The following MCOLN2 variants were observed in gnomAD, a reference collection of about 807,000 sequenced individuals.
MCOLN2 encodes the protein mucolipin TRP cation channel 2.
In MCOLN2, 57 loss-of-function variants were observed where a neutral mutation model predicts 67.5. That is an observed-to-expected ratio of 0.84 (90% CI 0.68 to 1.05). The LOEUF is 1.05. Among genes scored for constraint, MCOLN2 ranks in the 50% least tolerant of loss-of-function variants. The pLI is 0.00. For synonymous variants in MCOLN2, 246 were observed against 233.3 expected (o/e 1.05, Z -0.50); for missense variants, 620 against 678.8 (o/e 0.91, Z 0.96).
intron 11 of MCOLN2, among the ~76,000 whole-genome samples, chr1:84,934,955 C>T (rs529481942): frequency 1.1e-4 from 17 of 152,268 alleles, no homozygotes; most frequent in East Asian, 1.9e-4. Flanking sequence ...ATCAGTCAAA[C>T]GGTTTTCCTA....
At chr1:84,926,996 C>T (rs1661190423) in intron 13 of MCOLN2, among the ~76,000 whole-genome samples, 1 of 151,756 alleles carries the variant, frequency 6.6e-6, no homozygotes, top group African/African-American at 2.4e-5. Flanking sequence ...CTCTTAAGAA[C>T]CTCCATGCCC....
At chr1:84,936,608 G>A (rs1004921309) in intron 11 of MCOLN2, among the ~76,000 whole-genome samples, 1 of 152,142 alleles carries the variant, frequency 6.6e-6, no homozygotes. Flanking sequence ...CAACCCAGAG[G>A]TTGTCACTTT....
chr1:84,950,083 G>A (rs1214453277), intron 6 of MCOLN2, among the ~76,000 whole-genome samples: 1 of 152,154 alleles, frequency 6.6e-6, no homozygotes, highest in Non-Finnish European at 1.5e-5. Context: ...TAGTATGAAG[G>A]TTTTAAGTCA....
chr1:84,939,708 G>A lies in MCOLN2; in HGVS notation c.961-6C>T, dbSNP rs202137357. The A allele has an allele frequency of 2.1e-5, 34 of 1,613,668 alleles. No individual in the cohort carries two copies. On this transcript the variant is annotated splice_polypyrimidine_tract_variant and splice_region_variant and intron_variant, in intron 8 of 13. Transcript: ENST00000370608. ...AGGAAGAAATTTAGAAATCTCTATGGCAAACATTTAAAGAAGCGTTTCTTA... is the reference window on the plus strand; with the variant it reads ...AGGAAGAAATTTAGAAATCTCTATGACAAACATTTAAAGAAGCGTTTCTTA...
At chr1:84,948,152 C>A (rs1462599506) in intron 6 of MCOLN2, among the ~76,000 whole-genome samples, 1 of 152,204 alleles carries the variant, frequency 6.6e-6, no homozygotes, top group Non-Finnish European at 1.5e-5. Flanking sequence ...GGCCTGACAA[C>A]CAGCTGGGCA....
intron 2 of MCOLN2, among the ~76,000 whole-genome samples, chr1:84,964,681 A>C (rs554628928): frequency 1.6e-4 from 25 of 152,272 alleles, no homozygotes; most frequent in African/African-American, 5.5e-4. Flanking sequence ...GTTTTCCTGC[A>C]ACTAGAAGGT....
intron 11 of MCOLN2, among the ~76,000 whole-genome samples, chr1:84,933,924 A>G (rs1647293662): frequency 6.6e-6 from 1 of 152,242 alleles, no homozygotes; most frequent in African/African-American, 2.4e-5. Flanking sequence ...ACAGAGACCC[A>G]GTCAATTTTA....
At chr1:84,939,441 A>G (rs966786081) in intron 9 of MCOLN2, 112 bp downstream of exon 9, 2 of 1,089,526 alleles carry the variant, frequency 1.8e-6, no homozygotes, top group African/African-American at 3.2e-5. Flanking sequence ...CTGGTGTGAG[A>G]AAAGGGAAGA....
At chr1:84,946,914 T>A (rs1307020695) in intron 7 of MCOLN2, 119 bp downstream of exon 7, 1 of 594,480 alleles carries the variant, frequency 1.7e-6, no homozygotes, top group Non-Finnish European at 3.0e-6. Flanking sequence ...CAGGATCTAA[T>A]GCTCGAGGCG....
intron 4 of MCOLN2, among the ~76,000 whole-genome samples, chr1:84,954,035 A>C (rs147251145): frequency 6.6e-6 from 1 of 152,130 alleles, no homozygotes; most frequent in Non-Finnish European, 1.5e-5. Context: ...CACAACTGCA[A>C]CTCTTCATTT....
At chr1:84,971,870 T>A (rs1011057443) in intron 1 of MCOLN2, 1 of 152,182 alleles carries the variant, frequency 6.6e-6, no homozygotes, top group Non-Finnish European at 1.5e-5. Flanking sequence ...AAGACCAGCC[T>A]GGCCAACACG....
intron 11 of MCOLN2, 81 bp downstream of exon 11, chr1:84,937,674 A>T: frequency 1.3e-6 from 2 of 1,572,890 alleles, no homozygotes; most frequent in Non-Finnish European, 1.7e-6. Flanking sequence ...AGAGAAGACC[A>T]GGAAGCAAGT....
chr1:84,970,945 G>A lies in MCOLN2; in HGVS notation c.78-5237C>T, dbSNP rs115297069. Among the ~76,000 whole-genome samples the A allele has an allele frequency of 4.0e-3, 611 of 152,250 alleles. 2 individuals are homozygous for A. Among genetic ancestry groups the A allele is most frequent in the African/African-American group, 0.014 (573 of 41,538 alleles). On this transcript the variant is annotated intron_variant, in intron 1 of 13. Transcript: ENST00000370608. ...AAGTGTTCAAGAAATGATAACTGAT[G>A]TTAGCATTGCCCTAAGAAACTTTAT...
chr1:84,981,278 A>G lies in MCOLN2; in HGVS notation c.77+15518T>C, dbSNP rs569812928. Among the ~76,000 whole-genome samples the G allele has an allele frequency of 3.3e-5, 5 of 152,346 alleles. No individual in the cohort carries two copies. In the East Asian group the frequency reaches 9.6e-4, roughly 29 times the overall value. On this transcript the variant is annotated intron_variant, in intron 1 of 13. Coordinates refer to ENST00000370608, the MANE Select transcript of MCOLN2 (RefSeq NM_153259.4). ...TCAAAAAACTAAAAATAGAGCTACC[A>G]TATGATCTAGCAATCCCACTGCTGG...
intron 11 of MCOLN2, among the ~76,000 whole-genome samples, chr1:84,933,330 G>A (rs1315664553): frequency 2.0e-5 from 3 of 152,022 alleles, no homozygotes; most frequent in African/African-American, 7.2e-5. Flanking sequence ...GGCTGGACCA[G>A]GCAAGGTAAA....
intron 1 of MCOLN2, among the ~76,000 whole-genome samples, chr1:84,980,246 G>A (rs1650190649): frequency 6.6e-6 from 1 of 151,812 alleles, no homozygotes; most frequent in African/African-American, 2.4e-5. Context: ...CACTCCAAAG[G>A]AATCTACAGA....
chr1:84,967,413 G>T (rs1425071031), intron 1 of MCOLN2, among the ~76,000 whole-genome samples: 1 of 152,150 alleles, frequency 6.6e-6, no homozygotes, highest in East Asian at 1.9e-4. Flanking sequence ...TCTTGGAAAG[G>T]TTTTATACTT....
intron 11 of MCOLN2, among the ~76,000 whole-genome samples, chr1:84,937,065 G>T (rs1284139084): frequency 6.6e-6 from 1 of 152,184 alleles, no homozygotes; most frequent in East Asian, 1.9e-4. Flanking sequence ...AAAGCCATAA[G>T]ATAAAATAAC....
intron 8 of MCOLN2, among the ~76,000 whole-genome samples, chr1:84,940,016 A>G (rs891705493): frequency 6.6e-6 from 1 of 152,022 alleles, no homozygotes; most frequent in Non-Finnish European, 1.5e-5. Flanking sequence ...TAACAACCCA[A>G]TGAAGCAGGT....
Sources: allele counts gnomAD v4.1 joint callset (sites outside exome capture counted in the v4.1 genomes callset), GRCh38; gene constraint gnomAD v4.1.1; transcripts MANE v1.5; gene names NCBI Gene and HGNC (gene_info 2026-07-23, HGNC 2026-07-21).